GRIK1: variants seen among roughly 807,000 people sequenced by gnomAD.
GRIK1 encodes the protein glutamate ionotropic receptor kainate type subunit 1, also known as glutamate receptor ionotropic, kainate 1.
In GRIK1, 69 loss-of-function variants were observed where a neutral mutation model predicts 105.7. The observed-to-expected ratio is 0.65, with a 90% CI of 0.54 to 0.80. The LOEUF (loss-of-function observed/expected upper bound fraction) is 0.80, where lower values mean the gene tolerates loss of function less well. GRIK1 is among the 30% of genes least tolerant of loss of function. The pLI is 0.00. For synonymous variants in GRIK1, 438 were observed against 431.3 expected, an observed-to-expected ratio of 1.02 and a Z score of -0.19; for missense variants, 1,109 against 1,167.3, an observed-to-expected ratio of 0.95 and a Z score of 0.73.
intron 1 of GRIK1, among the ~76,000 whole-genome samples, chr21:29,847,399 TC>T (rs2068156297): frequency 6.6e-6 from 1 of 152,102 alleles, no homozygotes; most frequent in South Asian, 2.1e-4. Context: ...TTCGAGACCA[TC>T]CTGGCCAACA....
chr21:29,724,404 G>A (rs994455328), intron 1 of GRIK1, among the ~76,000 whole-genome samples: 1 of 152,126 alleles, frequency 6.6e-6, no homozygotes, highest in African/African-American at 2.4e-5. Context: ...ATCCACTGAG[G>A]GCTGTTCCTA....
chr21:29,651,815 T>TCCAA (rs1568934835), intron 5 of GRIK1, among the ~76,000 whole-genome samples: 1 of 151,826 alleles, frequency 6.6e-6, no homozygotes, highest in Non-Finnish European at 1.5e-5. Context: ...CAGGCATCTA[T>TCCAA]TGGAGGTCTC....
intron 1 of GRIK1, among the ~76,000 whole-genome samples, chr21:29,771,462 G>C (rs1040738813): frequency 6.6e-6 from 1 of 152,210 alleles, no homozygotes; most frequent in Non-Finnish European, 1.5e-5. Flanking sequence ...AAGATCAGTA[G>C]AGTATGTGAT....
chr21:29,580,899 C>T (rs548159889), intron 13 of GRIK1, among the ~76,000 whole-genome samples: 1 of 152,196 alleles, frequency 6.6e-6, no homozygotes, highest in East Asian at 1.9e-4. Context: ...ATTTCCCCAA[C>T]TCCTACAGTT....
At chr21:29,783,702 T>C (rs1306819330) in intron 1 of GRIK1, among the ~76,000 whole-genome samples, 4 of 152,312 alleles carry the variant, frequency 2.6e-5, no homozygotes, top group African/African-American at 9.6e-5. Flanking sequence ...ATTTATCTTA[T>C]ACTATATTTT....
At chr21:29,569,465 G>T (rs1255445883) in intron 14 of GRIK1, among the ~76,000 whole-genome samples, 2 of 152,118 alleles carry the variant, frequency 1.3e-5, no homozygotes. Flanking sequence ...ATATGTAGTA[G>T]AACCCAGGCT....
At chr21:29,667,243 G>A (rs2063077072) in intron 4 of GRIK1, among the ~76,000 whole-genome samples, 1 of 152,130 alleles carries the variant, frequency 6.6e-6, no homozygotes, top group South Asian at 2.1e-4. Context: ...TCTAAACAAG[G>A]GATGAAACCA....
At chr21:29,775,944 T>G (rs1231531681) in intron 1 of GRIK1, among the ~76,000 whole-genome samples, 3 of 152,222 alleles carry the variant, frequency 2.0e-5, no homozygotes, top group African/African-American at 4.8e-5. Context: ...GAAAGATGTT[T>G]AATTGACTCA....
intron 1 of GRIK1, among the ~76,000 whole-genome samples, chr21:29,831,151 A>G (rs1328135095): frequency 6.6e-6 from 1 of 152,224 alleles, no homozygotes; most frequent in Non-Finnish European, 1.5e-5. Flanking sequence ...TGAAACACAT[A>G]ATAGAGCTAG....
At chr21:29,674,825 GA>G in intron 3 of GRIK1, among the ~76,000 whole-genome samples, 1 of 152,172 alleles carries the variant, frequency 6.6e-6, no homozygotes, top group South Asian at 2.1e-4. Context: ...ATAGCTGTGT[GA>G]AAATGGACTA....
At chr21:29,909,068 G>T (rs143925404) in intron 1 of GRIK1, among the ~76,000 whole-genome samples, 8 of 151,850 alleles carry the variant, frequency 5.3e-5, no homozygotes, top group Admixed American at 4.6e-4. Flanking sequence ...AAATCTTCCC[G>T]TGTTTGTTAC....
At position 29,781,657 on chromosome 21, in the gene GRIK1, C is replaced by CTTTTTTTT. The variant is rs71191125; in HGVS notation, c.119-87602_119-87595dup. 3.7e-3 allele frequency among the ~76,000 whole-genome samples: 256 copies of CTTTTTTTT among 69,292 alleles called. 7 individuals are homozygous for CTTTTTTTT. Among genetic ancestry groups the CTTTTTTTT allele is most frequent in the East Asian group, 5.6e-3 (10 of 1,784 alleles). The allele number at this position is 69,292 out of a possible 152,430, so 45.5% of individuals were successfully genotyped here. ...TACATGTGCACCTAACCTACTGTTT[C>CTTTTTTTT]TTTTTTTTTTTTTTTTTTTTTTTTG... On this transcript the variant is annotated intron_variant, in intron 1 of 17. Coordinates refer to ENST00000327783, the MANE Select transcript of GRIK1 (RefSeq NM_001330994.2).
intron 3 of GRIK1, among the ~76,000 whole-genome samples, chr21:29,675,153 G>A (rs899096668): frequency 6.6e-6 from 1 of 152,168 alleles, no homozygotes; most frequent in Admixed American, 6.5e-5. Flanking sequence ...AACTTACAAA[G>A]ATAGTTAAGA....
intron 13 of GRIK1, among the ~76,000 whole-genome samples, chr21:29,577,988 T>C (rs976848485): frequency 6.6e-6 from 1 of 152,220 alleles, no homozygotes; most frequent in African/African-American, 2.4e-5. Context: ...GAAACCTTCC[T>C]CTCTAAAAGA....
intron 1 of GRIK1, among the ~76,000 whole-genome samples, chr21:29,719,432 G>T (rs1044711266): frequency 2.0e-5 from 3 of 152,042 alleles, no homozygotes; most frequent in Non-Finnish European, 4.4e-5. Context: ...CAGCCTTACA[G>T]AGCAGAGCTT....
chr21:29,868,637 C>T (rs567031668), intron 1 of GRIK1, among the ~76,000 whole-genome samples: 12 of 152,266 alleles, frequency 7.9e-5, no homozygotes, highest in African/African-American at 2.6e-4. Context: ...CTCTCTTCAG[C>T]CCTCCTATCT....
At chr21:29,742,176 A>T (rs1828456324) in intron 1 of GRIK1, among the ~76,000 whole-genome samples, 1 of 152,238 alleles carries the variant, frequency 6.6e-6, no homozygotes, top group South Asian at 2.1e-4. Flanking sequence ...AGAATCATTC[A>T]TGCAAACATG....
intron 1 of GRIK1, among the ~76,000 whole-genome samples, chr21:29,742,462 C>T (rs2146941367): frequency 6.6e-6 from 1 of 152,282 alleles, no homozygotes; most frequent in South Asian, 2.1e-4. Context: ...TCACTCAACC[C>T]ATCTTTAAAG....
intron 12 of GRIK1, chr21:29,582,206 C>G (rs568199265): frequency 5.9e-5 from 21 of 354,984 alleles, no homozygotes; most frequent in South Asian, 5.0e-4. Flanking sequence ...TGGAATTATA[C>G]TGGTCCAGGC....
Sources: allele counts gnomAD v4.1 joint callset (sites outside exome capture counted in the v4.1 genomes callset), GRCh38; gene constraint gnomAD v4.1.1; transcripts MANE v1.5; gene names NCBI Gene and HGNC (gene_info 2026-07-23, HGNC 2026-07-21).